The following HMG20A variants were observed in gnomAD, a reference collection of about 807,000 sequenced individuals.
HMG20A encodes high mobility group protein 20A.
A neutral mutation model predicts 43.9 loss-of-function variants in HMG20A; 17 were observed. The observed-to-expected ratio is 0.39, with a 90% CI of 0.27 to 0.58. HMG20A has a LOEUF of 0.58. Ranked by LOEUF, HMG20A falls within the 20% of genes least tolerant of loss-of-function variation. The pLI is 0.59. For synonymous variants in HMG20A, 132 were observed against 147.5 expected (o/e 0.89, Z 0.76); for missense variants, 341 against 438.2 (o/e 0.78, Z 1.98).
chr15:77,445,487 A>G (rs887428089), intron 1 of HMG20A, among the ~76,000 whole-genome samples: 2 of 152,234 alleles, frequency 1.3e-5, no homozygotes, highest in East Asian at 1.9e-4. Flanking sequence ...CAAATCCTAT[A>G]CATATGGTAC....
chr15:77,494,926 A>G, the HMG20A span, among the ~76,000 whole-genome samples: 1 of 152,248 alleles, frequency 6.6e-6, no homozygotes, highest in Admixed American at 6.5e-5. Flanking sequence ...GATCATGCCT[A>G]TTAAAGCAGC....
chr15:77,480,613 A>G (rs2072898240), intron 9 of HMG20A, among the ~76,000 whole-genome samples: 1 of 149,030 alleles, frequency 6.7e-6, no homozygotes, highest in Admixed American at 6.7e-5. Flanking sequence ...TTCTGTCTCA[A>G]AAAAAAAAAA....
At chr15:77,510,088 C>CA in the HMG20A span, among the ~76,000 whole-genome samples, 2 of 152,290 alleles carry the variant, frequency 1.3e-5, no homozygotes, top group East Asian at 1.9e-4. Flanking sequence ...CCTAGCCCCC[C>CA]ACAGGGGCAT....
At chr15:77,443,925 G>A (rs190486032) in intron 1 of HMG20A, among the ~76,000 whole-genome samples, 149 of 151,982 alleles carry the variant, frequency 9.8e-4, no homozygotes, top group African/African-American at 3.2e-3. Context: ...TGCCCCGGCT[G>A]GTCTCAAATT....
At chr15:77,479,930 G>A (rs894539874) in intron 9 of HMG20A, among the ~76,000 whole-genome samples, 3 of 152,170 alleles carry the variant, frequency 2.0e-5, no homozygotes, top group African/African-American at 7.2e-5. Context: ...CACAGTGACT[G>A]TTGTCTGTTA....
At chr15:77,426,247 T>G (rs746020848) in intron 1 of HMG20A, among the ~76,000 whole-genome samples, 78 of 152,144 alleles carry the variant, frequency 5.1e-4, no homozygotes, top group Non-Finnish European at 2.6e-4. Context: ...ATGAGGGGGT[T>G]CGGGGTGCTA....
intron 1 of HMG20A, among the ~76,000 whole-genome samples, chr15:77,442,699 C>G (rs1025323335): frequency 6.6e-6 from 1 of 152,002 alleles, no homozygotes; most frequent in Non-Finnish European, 1.5e-5. Context: ...CTAGAAACTC[C>G]TTGTTTGTTT....
intron 1 of HMG20A, among the ~76,000 whole-genome samples, chr15:77,439,301 A>G (rs1221472736): frequency 6.6e-6 from 1 of 152,166 alleles, no homozygotes; most frequent in Non-Finnish European, 1.5e-5. Context: ...AAACTGTGGT[A>G]CATACAGTAA....
chr15:77,426,987 T>C (rs1342261333), intron 1 of HMG20A, among the ~76,000 whole-genome samples: 1 of 152,182 alleles, frequency 6.6e-6, no homozygotes, highest in African/African-American at 2.4e-5. Flanking sequence ...AAACATCTTA[T>C]GACCTTGAAG....
chr15:77,447,755 A>G (rs937330502), intron 1 of HMG20A: 2 of 152,234 alleles, frequency 1.3e-5, no homozygotes, highest in South Asian at 4.1e-4. Flanking sequence ...GTAAAATTCT[A>G]TAAAGCAAAG....
chr15:77,422,253 T>G (rs1405117727), intron 1 of HMG20A, among the ~76,000 whole-genome samples: 4 of 152,200 alleles, frequency 2.6e-5, no homozygotes, highest in African/African-American at 4.8e-5. Context: ...TTTGAAGTAA[T>G]AAGGCCTGTG....
At chr15:77,482,571 A>G (rs2072914297) in intron 9 of HMG20A, 2 of 152,232 alleles carry the variant, frequency 1.3e-5, no homozygotes, top group Admixed American at 1.3e-4. Context: ...ATCTCTATAC[A>G]TGCAGATATC....
At chr15:77,439,703 A>G (rs1266726245) in intron 1 of HMG20A, among the ~76,000 whole-genome samples, 2 of 152,148 alleles carry the variant, frequency 1.3e-5, no homozygotes, top group Admixed American at 6.5e-5. Context: ...ATTCGCATAC[A>G]TGTCTTCTGT....
chr15:77,519,887 C>T, the HMG20A span, among the ~76,000 whole-genome samples: 2 of 152,020 alleles, frequency 1.3e-5, no homozygotes, highest in Non-Finnish European at 2.9e-5. Flanking sequence ...TTTGCTTATC[C>T]AGGAAATACA....
the HMG20A span, among the ~76,000 whole-genome samples, chr15:77,491,890 A>C: frequency 3.3e-5 from 5 of 152,244 alleles, no homozygotes; most frequent in Non-Finnish European, 7.3e-5. Flanking sequence ...GTGTTCTGAA[A>C]ATGGATTGTA....
At chr15:77,480,509 A>G (rs2072896916) in intron 9 of HMG20A, among the ~76,000 whole-genome samples, 1 of 151,516 alleles carries the variant, frequency 6.6e-6, no homozygotes, top group Non-Finnish European at 1.5e-5. Context: ...GCTACTCAGG[A>G]GGCTGAGGCA....
intron 1 of HMG20A, among the ~76,000 whole-genome samples, chr15:77,430,951 G>A (rs567784373): frequency 3.9e-5 from 6 of 152,210 alleles, no homozygotes; most frequent in South Asian, 2.1e-4. Context: ...TTCTAAAACC[G>A]ATGACAAATA....
chr15:77,423,786 C>T (rs958516026), intron 1 of HMG20A, among the ~76,000 whole-genome samples: 3 of 151,958 alleles, frequency 2.0e-5, no homozygotes, highest in Non-Finnish European at 4.4e-5. Flanking sequence ...CCTTGTTTGT[C>T]GTTTTGGTGG....
intron 1 of HMG20A, among the ~76,000 whole-genome samples, chr15:77,431,726 T>C (rs1036142341): frequency 3.9e-5 from 6 of 152,216 alleles, no homozygotes; most frequent in Admixed American, 3.9e-4. Flanking sequence ...TAACATGTTG[T>C]ACAATAGATA....
Sources: allele counts gnomAD v4.1 joint callset (sites outside exome capture counted in the v4.1 genomes callset), GRCh38; gene constraint gnomAD v4.1.1; transcripts MANE v1.5; gene names NCBI Gene and HGNC (gene_info 2026-07-23, HGNC 2026-07-21).